Variants in WAPL observed in about 807,000 individuals in gnomAD.
WAPL encodes the protein wings apart-like protein homolog.
A neutral mutation model predicts 121.0 loss-of-function variants in WAPL; 5 were observed. The observed-to-expected ratio is 0.04, with a 90% confidence interval of 0.02 to 0.09. WAPL has a LOEUF of 0.09. WAPL is among the 10% of genes least tolerant of loss of function. The pLI, the probability that WAPL is intolerant of heterozygous loss-of-function variation, is 1.00. For missense variants in WAPL, 999 were observed against 1,410.8 expected (o/e 0.71, Z 4.68); for synonymous variants, 480 against 481.5 (o/e 1.00, Z 0.04).
intron 16 of WAPL, among the ~76,000 whole-genome samples, chr10:86,444,683 G>A (rs1033468365): frequency 6.6e-6 from 1 of 151,958 alleles, no homozygotes; most frequent in African/African-American, 2.4e-5. Context: ...GGAAAATAGG[G>A]GTGATGGCTG....
intron 4 of WAPL, among the ~76,000 whole-genome samples, chr10:86,495,163 T>G (rs536841570): frequency 6.6e-6 from 1 of 152,294 alleles, no homozygotes; most frequent in African/African-American, 2.4e-5. Flanking sequence ...TTTAAGGAAT[T>G]TTTTACAAAA....
chr10:86,516,464 A>G (rs1339758561), intron 2 of WAPL, among the ~76,000 whole-genome samples: 1 of 152,172 alleles, frequency 6.6e-6, no homozygotes, highest in African/African-American at 2.4e-5. Context: ...GTCTGTGTTT[A>G]CTTCCTTTCA....
intron 12 of WAPL, among the ~76,000 whole-genome samples, chr10:86,455,460 G>C (rs1360067511): frequency 6.6e-6 from 1 of 152,006 alleles, no homozygotes; most frequent in Non-Finnish European, 1.5e-5. Flanking sequence ...GATGTGCTTT[G>C]TTAAACAGAT....
At chr10:86,466,174 A>T (rs538955857) in intron 9 of WAPL, among the ~76,000 whole-genome samples, 1 of 152,314 alleles carries the variant, frequency 6.6e-6, no homozygotes, top group Admixed American at 6.5e-5. Flanking sequence ...AGGGGAGGTG[A>T]GGTGCCTAGG....
chr10:86,504,939 A>G (rs1367736842), intron 2 of WAPL, among the ~76,000 whole-genome samples: 1 of 152,186 alleles, frequency 6.6e-6, no homozygotes, highest in East Asian at 1.9e-4. Flanking sequence ...TAACTGAAAA[A>G]AGCCCACTCA....
chr10:86,507,530 A>G (rs1028383097), intron 2 of WAPL, among the ~76,000 whole-genome samples: 1 of 152,012 alleles, frequency 6.6e-6, no homozygotes, highest in African/African-American at 2.4e-5. Flanking sequence ...CTACTCCTCC[A>G]TCCCAATTTT....
intron 1 of WAPL, among the ~76,000 whole-genome samples, chr10:86,520,230 G>A (rs372229179): frequency 6.6e-6 from 1 of 152,226 alleles, no homozygotes; most frequent in East Asian, 1.9e-4. Context: ...GGGAGGCGGA[G>A]GTTGCGGTGA....
At chr10:86,471,147 T>TCTATTTGGCTATCAAAAATATCTTC in intron 7 of WAPL, 44 bp from the exon 8 acceptor site, 1 of 1,541,996 alleles carries the variant, frequency 6.5e-7, no homozygotes, top group Non-Finnish European at 8.9e-7. Context: ...AAACAGCTAG[T>TCTATTTGGCTATCAAAAATATCTTC]ACATTAGTTT....
intron 15 of WAPL, among the ~76,000 whole-genome samples, chr10:86,448,882 T>A (rs1840901501): frequency 6.6e-6 from 1 of 152,228 alleles, no homozygotes; most frequent in Non-Finnish European, 1.5e-5. Context: ...CCCCAAGTGC[T>A]GGGATTACAG....
At chr10:86,467,834 G>A (rs1037121364) in intron 8 of WAPL, among the ~76,000 whole-genome samples, 6 of 151,762 alleles carry the variant, frequency 4.0e-5, no homozygotes, top group Non-Finnish European at 5.9e-5. Flanking sequence ...GTGCCACCAC[G>A]CCCAGCTTAT....
intron 4 of WAPL, among the ~76,000 whole-genome samples, chr10:86,480,007 A>G (rs1841745724): frequency 6.6e-6 from 1 of 152,230 alleles, no homozygotes; most frequent in Non-Finnish European, 1.5e-5. Flanking sequence ...AAAACATAAC[A>G]CATGTTAAAT....
intron 2 of WAPL, among the ~76,000 whole-genome samples, chr10:86,513,288 T>C (rs1179004919): frequency 6.6e-6 from 1 of 151,896 alleles, no homozygotes; most frequent in Non-Finnish European, 1.5e-5. Context: ...CTGTATGTTT[T>C]ATAGTGACCT....
chr10:86,467,131 A>C lies in WAPL; in HGVS notation c.2370+148T>G, dbSNP rs896931132. ...GGAAGTTCAGGCAAGGAATGAAATT[A>C]TGCTCAGATCTAAACATAAGAAATT... On this transcript the variant is annotated intron_variant, in intron 9 of 18. Transcript: ENST00000298767. 4.5e-6 allele frequency: 3 copies of C among 673,028 alleles called. No homozygotes were observed. The African/African-American group carries it at 5.4e-5, about 12-fold the overall frequency. The allele number at this position is 673,028 out of a possible 1,614,324, so 41.7% of individuals were successfully genotyped here.
chr10:86,460,533 C>T, intron 10 of WAPL, 37 bp from the exon 11 acceptor site: 1 of 1,528,072 alleles, frequency 6.5e-7, no homozygotes, highest in African/African-American at 1.4e-5. Context: ...TAGTATTTAT[C>T]ATCGATACTT....
chr10:86,475,752 G>A (rs1841636729), intron 4 of WAPL, among the ~76,000 whole-genome samples: 1 of 152,336 alleles, frequency 6.6e-6, no homozygotes, highest in Admixed American at 6.5e-5. Flanking sequence ...TGTAACTTGT[G>A]TGTCTGCTAG....
At chr10:86,512,540 C>A (rs1290958704) in intron 2 of WAPL, among the ~76,000 whole-genome samples, 1 of 152,216 alleles carries the variant, frequency 6.6e-6, no homozygotes, top group African/African-American at 2.4e-5. Context: ...CTACCGACGG[C>A]ATTGATTCAA....
Position 86,500,669 on chromosome 10 carries a change from T to C in WAPL, c.574A>G (p.Lys192Glu). The C allele has an allele frequency of 6.2e-7, 1 of 1,612,798 alleles. No individual in the cohort carries two copies. Among genetic ancestry groups the C allele is most frequent in the Non-Finnish European group, 8.5e-7 (1 of 1,179,738 alleles). Residue 192 changes from lysine to glutamate, a missense_variant, in exon 3 of 19, where the codon AAG becomes GAG. Around this residue, in one of 7 missense-constraint regions of WAPL, gnomAD observed 531 missense variants for 563.1 expected, o/e 0.94. Transcript: ENST00000298767. ...ACTGTAGTTTCTGCATTGGGTTTCT[T>C]AGTACTGTCATCAGCATTTTTGTGA... ...HIHKNADDST[K>E]KPNAETTVAS... is the part of the protein sequence containing the mutation.
chr10:86,461,096 A>G, intron 10 of WAPL, 80 bp downstream of exon 10: 1 of 1,076,980 alleles, frequency 9.3e-7, no homozygotes, highest in Non-Finnish European at 1.4e-6. Context: ...TGATACAATT[A>G]TTTTTTGAAG....
At chr10:86,440,293 C>CT (rs980493414) in intron 17 of WAPL, among the ~76,000 whole-genome samples, 95 of 144,578 alleles carry the variant, frequency 6.6e-4, no homozygotes, top group South Asian at 3.1e-3. Flanking sequence ...ATTTTCATTG[C>CT]TTTTTTTTTT....
Sources: allele counts gnomAD v4.1 joint callset (sites outside exome capture counted in the v4.1 genomes callset), GRCh38; gene constraint gnomAD v4.1.1; regional missense constraint gnomAD v4.1.1; transcripts MANE v1.5; gene names NCBI Gene and HGNC (gene_info 2026-07-23, HGNC 2026-07-21).